Variants in MYCBP2 observed in about 807,000 individuals in gnomAD.
The protein encoded by MYCBP2 is MYC binding protein 2, also known as E3 ubiquitin-protein ligase MYCBP2.
In MYCBP2, 120 loss-of-function variants were observed where a neutral mutation model predicts 525.3. The ratio of observed to expected loss-of-function variants is 0.23; its 90% CI spans 0.20 to 0.27. The LOEUF is 0.27. MYCBP2 is among the 10% of genes least tolerant of loss of function. The pLI is 1.00. For synonymous variants in MYCBP2, 1,894 were observed against 1,955.8 expected, an observed-to-expected ratio of 0.97 and a Z score of 0.83; for missense variants, 4,149 against 5,657.1, an observed-to-expected ratio of 0.73 and a Z score of 8.55.
chr13:77,189,183 G>A (rs1647294907), intron 29 of MYCBP2, 136 bp from the exon 30 acceptor site: 5 of 530,276 alleles, frequency 9.4e-6, no homozygotes, highest in Non-Finnish European at 1.5e-5. Context: ...GCCAATACAG[G>A]GCTTTTTTGA....
chr13:77,262,175 A>G, intron 10 of MYCBP2, 46 bp from the exon 11 acceptor site: 1 of 1,459,994 alleles, frequency 6.8e-7, no homozygotes, highest in Non-Finnish European at 9.5e-7. Flanking sequence ...TAATATGAAG[A>G]ATTCTAAATA....
intron 2 of MYCBP2, among the ~76,000 whole-genome samples, chr13:77,292,988 A>G (rs1238236456): frequency 6.6e-6 from 1 of 151,856 alleles, no homozygotes; most frequent in Non-Finnish European, 1.5e-5. Context: ...GAAAGAAAAA[A>G]AAAGAAAACC....
At chr13:77,140,522 C>T (rs189930585) in intron 50 of MYCBP2, among the ~76,000 whole-genome samples, 15 of 152,272 alleles carry the variant, frequency 9.9e-5, no homozygotes, top group Admixed American at 7.2e-4. Context: ...AATGCCTGTA[C>T]TTACTCTTTA....
chr13:77,221,982 A>T (rs2065654770), intron 20 of MYCBP2, among the ~76,000 whole-genome samples: 1 of 152,224 alleles, frequency 6.6e-6, no homozygotes, highest in Non-Finnish European at 1.5e-5. Flanking sequence ...CACCATGTTA[A>T]TAGTTGTTAT....
intron 17 of MYCBP2, among the ~76,000 whole-genome samples, chr13:77,238,882 G>A (rs1348366141): frequency 6.6e-6 from 1 of 152,206 alleles, no homozygotes; most frequent in East Asian, 1.9e-4. Flanking sequence ...TGTACTCCCA[G>A]CACTTTGGGA....
chr13:77,176,778 T>C (rs1000616493), intron 35 of MYCBP2, 150 bp from the exon 36 acceptor site: 3 of 557,454 alleles, frequency 5.4e-6, no homozygotes, highest in Non-Finnish European at 8.0e-6. Flanking sequence ...AAAGAAAAAG[T>C]TGGGGGTACT....
At chr13:77,245,744 A>AACACACACAC (rs71102727) in intron 15 of MYCBP2, among the ~76,000 whole-genome samples, 324 of 143,160 alleles carry the variant, frequency 2.3e-3, no homozygotes, top group African/African-American at 8.1e-3. Context: ...AACGTAAAGT[A>AACACACACAC]ACACACACAC....
At chr13:77,049,190 C>T (rs1465796720) in intron 82 of MYCBP2, among the ~76,000 whole-genome samples, 3 of 152,086 alleles carry the variant, frequency 2.0e-5, no homozygotes, top group East Asian at 1.9e-4. Context: ...AGCACATCAC[C>T]CCCTCCCTCC....
At chr13:77,186,787 G>A (rs999735505) in intron 30 of MYCBP2, among the ~76,000 whole-genome samples, 24 of 147,146 alleles carry the variant, frequency 1.6e-4, no homozygotes, top group Non-Finnish European at 2.7e-4. Flanking sequence ...TCCTGAAAAC[G>A]AGTTTATAGA....
intron 76 of MYCBP2, 46 bp from the exon 77 acceptor site, chr13:77,059,672 T>C: frequency 7.1e-7 from 1 of 1,401,814 alleles, no homozygotes; most frequent in Admixed American, 1.7e-5. Flanking sequence ...GGATGTTTTC[T>C]AGATATGTTA....
chr13:77,197,516 T>A (rs1004480055), intron 26 of MYCBP2, among the ~76,000 whole-genome samples: 2 of 152,102 alleles, frequency 1.3e-5, no homozygotes, highest in South Asian at 4.1e-4. Flanking sequence ...TACATGAAAA[T>A]GCATCAAAGA....
At chr13:77,194,701 G>A (rs552760556) in intron 26 of MYCBP2, among the ~76,000 whole-genome samples, 1 of 152,118 alleles carries the variant, frequency 6.6e-6, no homozygotes, top group Non-Finnish European at 1.5e-5. Context: ...GATACTAACA[G>A]TTCCCATCTC....
intron 47 of MYCBP2, among the ~76,000 whole-genome samples, chr13:77,147,382 C>CA (rs1303444454): frequency 6.6e-6 from 1 of 151,978 alleles, no homozygotes; most frequent in African/African-American, 2.4e-5. Context: ...AATGTAAAGA[C>CA]AAAAATGGGC....
chr13:77,065,910 T>A (rs912394966), intron 72 of MYCBP2, 82 bp downstream of exon 72: 64 of 894,606 alleles, frequency 7.2e-5, no homozygotes, highest in Non-Finnish European at 1.0e-4. Context: ...AATCTACATC[T>A]CCTATCAATT....
At chr13:77,092,721 T>C (rs1187851338) in intron 59 of MYCBP2, among the ~76,000 whole-genome samples, 1 of 152,134 alleles carries the variant, frequency 6.6e-6, no homozygotes, top group Non-Finnish European at 1.5e-5. Context: ...CCACAGCGCC[T>C]GGCCTCTATT....
At chr13:77,308,011 G>A (rs1379541916) in intron 1 of MYCBP2, among the ~76,000 whole-genome samples, 4 of 151,912 alleles carry the variant, frequency 2.6e-5, no homozygotes, top group African/African-American at 9.7e-5. Flanking sequence ...CTTCTATACT[G>A]GTTAGTTACA....
In MYCBP2 at chr13:77,081,541, A is replaced by G; in HGVS notation, c.11304T>C (p.Phe3768=). The part of the protein sequence containing the change: ...GSLTDGSTET[F]WESGDEDKNK... Reference sequence around the variant, plus strand: ...TTTTATCTTCATCTCCTGATTCCCAAAAGGTTTCTGTGGAGCCGTCTGTCA... The same window carrying G: ...TTTTATCTTCATCTCCTGATTCCCAGAAGGTTTCTGTGGAGCCGTCTGTCA... The change falls in exon 65 of 83, where the codon TTT becomes TTC. Residue 3768 remains phenylalanine (F), a synonymous_variant. Coordinates refer to ENST00000544440, the MANE Select transcript of MYCBP2 (RefSeq NM_015057.5). The surrounding 1 kb of genome is among the most constrained non-coding windows in gnomAD (Gnocchi z 4.6). 1 of 1,613,824 alleles carries G rather than the reference A, an allele frequency of 6.2e-7. No homozygotes were observed. Among genetic ancestry groups the G allele is most frequent in the African/African-American group, 1.3e-5 (1 of 75,024 alleles).
chr13:77,238,857 G>A (rs981953866), intron 17 of MYCBP2, among the ~76,000 whole-genome samples: 8 of 152,184 alleles, frequency 5.3e-5, no homozygotes, highest in African/African-American at 9.7e-5. Context: ...CAGGCCGAGC[G>A]CAGTGGCTCA....
chr13:77,064,275 G>T (rs1865915348), intron 73 of MYCBP2, among the ~76,000 whole-genome samples: 1 of 152,202 alleles, frequency 6.6e-6, no homozygotes, highest in African/African-American at 2.4e-5. Flanking sequence ...GTCTATCACA[G>T]CATAATGCTG....
Sources: allele counts gnomAD v4.1 joint callset (sites outside exome capture counted in the v4.1 genomes callset), GRCh38; gene constraint gnomAD v4.1.1; non-coding constraint Gnocchi (gnomAD v3.1); transcripts MANE v1.5; gene names NCBI Gene and HGNC (gene_info 2026-07-23, HGNC 2026-07-21).